SEZ6L: variants seen among roughly 807,000 people sequenced by gnomAD.
SEZ6L encodes seizure related 6 homolog like.
SEZ6L carries 37 observed loss-of-function variants against 106.2 expected under a neutral mutation model. That is an observed-to-expected ratio of 0.35 (90% CI 0.27 to 0.46). The LOEUF (loss-of-function observed/expected upper bound fraction) is 0.46. Ranked by LOEUF, SEZ6L falls within the 20% of genes least tolerant of loss-of-function variation. SEZ6L has a pLI of 1.00. For missense variants in SEZ6L, 1,172 were observed against 1,332.8 expected, an observed-to-expected ratio of 0.88 and a Z score of 1.88; for synonymous variants, 541 against 570.4, an observed-to-expected ratio of 0.95 and a Z score of 0.73.
chr22:26,181,473 G>T (rs1205765519), intron 1 of SEZ6L, among the ~76,000 whole-genome samples: 1 of 152,182 alleles, frequency 6.6e-6, no homozygotes, highest in African/African-American at 2.4e-5. Flanking sequence ...ATAATTTATG[G>T]CATAAGTAAA....
chr22:26,270,199 G>T (rs1016497993), intron 1 of SEZ6L, among the ~76,000 whole-genome samples: 6 of 152,170 alleles, frequency 3.9e-5, no homozygotes, highest in Non-Finnish European at 7.3e-5. Context: ...GTGGTAGAAT[G>T]TTTAGCCCAG....
At chr22:26,369,773 A>T (rs2083962486) in intron 13 of SEZ6L, among the ~76,000 whole-genome samples, 1 of 151,788 alleles carries the variant, frequency 6.6e-6, no homozygotes, top group African/African-American at 2.4e-5. Flanking sequence ...CCAGTGTTTG[A>T]ATTTATTTTA....
chr22:26,214,568 A>G (rs2078246847), intron 1 of SEZ6L, among the ~76,000 whole-genome samples: 1 of 152,240 alleles, frequency 6.6e-6, no homozygotes, highest in Admixed American at 6.5e-5. Context: ...AGTATTATAT[A>G]TAAGAAATGC....
At position 26,376,206 on chromosome 22, in the gene SEZ6L, G is replaced by GAAA. The variant is rs35615266; in HGVS notation, c.2942+526_2942+528dup. 2.7e-5 allele frequency among the ~76,000 whole-genome samples: 4 copies of GAAA among 149,152 alleles called. No homozygotes were observed. The East Asian group carries it at 5.9e-4, about 22-fold the overall frequency. On this transcript the variant is annotated intron_variant, in intron 15 of 16. Transcript: ENST00000248933. ...CTCGGTTCCAGAAACATCATTTGTG[G>GAAA]AAAAAAAAAAATAGAAGGAAATATT... is the stretch of plus-strand genomic sequence containing the variant.
intron 1 of SEZ6L, among the ~76,000 whole-genome samples, chr22:26,247,234 T>G (rs998833997): frequency 1.1e-4 from 16 of 152,132 alleles, no homozygotes; most frequent in African/African-American, 3.9e-4. Context: ...AAAATAGGCA[T>G]GGACTTGGGC....
Position 26,311,827 on chromosome 22 carries a change from G to A in SEZ6L, c.1741G>A (p.Asp581Asn). 11 of 1,614,104 alleles carry A rather than the reference G, an allele frequency of 6.8e-6. No individual in the cohort carries two copies. The highest frequency in any genetic ancestry group is 3.3e-5 in the South Asian group (3 of 91,080). The change falls in exon 8 of 17, where the codon GAC becomes AAC. Residue 581 changes from aspartate (D) to asparagine (N), a missense_variant. Physicochemically the swap from Asp to Asn is conservative, Grantham distance 23. Around this residue, in one of 4 missense-constraint regions of SEZ6L, gnomAD observed 534 missense variants for 691.0 expected, o/e 0.77. Coordinates refer to ENST00000248933, the MANE Select transcript of SEZ6L (RefSeq NM_021115.5). The part of the protein sequence containing the change: ...YIQNGNFTTS[D>N]PTYNIGTIVE... ...CCAGAATGGGAACTTCACTACATCC[G>A]ACCCGACCTATAACATTGGGACTAT...
At chr22:26,327,286 C>T (rs1223026970) in intron 9 of SEZ6L, among the ~76,000 whole-genome samples, 6 of 147,650 alleles carry the variant, frequency 4.1e-5, no homozygotes, top group African/African-American at 1.2e-4. Context: ...ACACACCACC[C>T]CACACATACC....
rs2081435279 is a variant in SEZ6L at position 26,300,975 on chromosome 22, A to C, written c.1348+1806A>C. ...CAAAGCTTTTACATTTGGCAAAATTAAATATTTTTTTCTTTTCTTTCTTGT... is the reference window on the plus strand; with the variant it reads ...CAAAGCTTTTACATTTGGCAAAATTCAATATTTTTTTCTTTTCTTTCTTGT... On this transcript the variant is annotated intron_variant, in intron 5 of 16. Transcript: ENST00000248933. Among the ~76,000 whole-genome samples the C allele has an allele frequency of 2.6e-5, 4 of 152,244 alleles. No homozygotes were observed. The South Asian group carries it at 8.3e-4, about 31-fold the overall frequency.
chr22:26,286,815 T>G (rs1002633714), intron 1 of SEZ6L, among the ~76,000 whole-genome samples: 2 of 147,724 alleles, frequency 1.4e-5, no homozygotes, highest in African/African-American at 5.0e-5. Flanking sequence ...TGGCACAATC[T>G]CGGCTCACTG....
chr22:26,189,013 T>G (rs749101336), intron 1 of SEZ6L, among the ~76,000 whole-genome samples: 40 of 152,240 alleles, frequency 2.6e-4, no homozygotes, highest in Non-Finnish European at 3.5e-4. Context: ...TTTTTTCCGT[T>G]ACCTTACTTT....
chr22:26,297,506 C>G (rs1211007676), intron 4 of SEZ6L, among the ~76,000 whole-genome samples: 2 of 152,156 alleles, frequency 1.3e-5, no homozygotes, highest in Admixed American at 1.3e-4. Flanking sequence ...AGGAAAATAG[C>G]ACAGCTAAGG....
At chr22:26,306,843 T>A (rs1159855784) in intron 6 of SEZ6L, among the ~76,000 whole-genome samples, 1 of 152,242 alleles carries the variant, frequency 6.6e-6, no homozygotes, top group Non-Finnish European at 1.5e-5. Context: ...TGTTCTAGAA[T>A]ATTCTGGATT....
intron 9 of SEZ6L, among the ~76,000 whole-genome samples, chr22:26,330,568 G>A (rs1326744086): frequency 1.3e-5 from 2 of 152,172 alleles, no homozygotes; most frequent in African/African-American, 2.4e-5. Flanking sequence ...TAAGGGTCTA[G>A]GAGCTGCAAG....
intron 4 of SEZ6L, among the ~76,000 whole-genome samples, chr22:26,298,189 GCAA>G (rs25593): frequency 0.17 from 26,578 of 151,980 alleles, 2,827 homozygotes; most frequent in Non-Finnish European, 0.24. Flanking sequence ...GAATTTAAAA[GCAA>G]CAACAAAAAA....
chr22:26,254,773 A>G (rs1314101199), intron 1 of SEZ6L, among the ~76,000 whole-genome samples: 1 of 152,162 alleles, frequency 6.6e-6, no homozygotes, highest in Non-Finnish European at 1.5e-5. Flanking sequence ...CTTCAGAAGG[A>G]GGGTGAGTGT....
chr22:26,314,907 T>A (rs1048163853), intron 9 of SEZ6L, among the ~76,000 whole-genome samples: 2 of 152,200 alleles, frequency 1.3e-5, no homozygotes, highest in African/African-American at 4.8e-5. Context: ...CAGGCTTCTG[T>A]GGCTTCTCAG....
intron 1 of SEZ6L, among the ~76,000 whole-genome samples, chr22:26,218,220 A>T (rs534536363): frequency 1.3e-5 from 2 of 152,232 alleles, no homozygotes; most frequent in East Asian, 3.9e-4. Flanking sequence ...AGCCATCTGA[A>T]CCACTAGTTT....
intron 13 of SEZ6L, among the ~76,000 whole-genome samples, chr22:26,367,612 G>A (rs1277951495): frequency 8.5e-5 from 13 of 152,106 alleles, no homozygotes; most frequent in African/African-American, 2.9e-4. Context: ...CCAAAGTGCT[G>A]GGATTACCGC....
Position 26,365,356 on chromosome 22 carries a change from C to G in SEZ6L, c.2600-16C>G, listed in dbSNP as rs748590196. 1 of 1,593,578 alleles carries G rather than the reference C, an allele frequency of 6.3e-7. No individual in the cohort carries two copies. The highest frequency in any genetic ancestry group is 2.3e-5 in the East Asian group (1 of 44,214). On this transcript the variant is annotated splice_polypyrimidine_tract_variant and intron_variant, in intron 12 of 16. Transcript: ENST00000248933. Reference sequence around the variant, plus strand: ...TTGCATCATCTCATCAGAGCTCCTTCTGGCTTGCATTTCAGCGGAGGAGTC... The same window carrying G: ...TTGCATCATCTCATCAGAGCTCCTTGTGGCTTGCATTTCAGCGGAGGAGTC...
Sources: gnomAD v4.1 joint callset for allele counts (sites outside exome capture counted in the v4.1 genomes callset) on GRCh38, gnomAD v4.1.1 for gene constraint, gnomAD v4.1.1 regional missense constraint, MANE v1.5 for transcripts, NCBI Gene and HGNC (gene_info 2026-07-23, HGNC 2026-07-21) for gene names.